The following LPP variants were observed in gnomAD, a reference collection of about 807,000 sequenced individuals.
The protein encoded by LPP is lipoma-preferred partner.
In LPP, 38 loss-of-function variants were observed where a neutral mutation model predicts 60.4. The observed-to-expected ratio is 0.63, with a 90% CI of 0.49 to 0.83. LPP has a LOEUF of 0.83. LPP is among the 40% of genes least tolerant of loss of function. The pLI is 0.00. For missense variants in LPP, 902 were observed against 783.6 expected (o/e 1.15, Z -1.80); for synonymous variants, 328 against 290.8 (o/e 1.13, Z -1.30).
At chr3:188,440,188 C>G (rs1386345801) in intron 4 of LPP, among the ~76,000 whole-genome samples, 1 of 152,124 alleles carries the variant, frequency 6.6e-6, no homozygotes, top group East Asian at 1.9e-4. Flanking sequence ...AGCACAGTGC[C>G]AGATGAATGA....
At chr3:188,780,398 A>C (rs568948647) in intron 9 of LPP, among the ~76,000 whole-genome samples, 130 of 152,342 alleles carry the variant, frequency 8.5e-4, no homozygotes, top group African/African-American at 2.8e-3. Context: ...AGGGCTTCCC[A>C]TCAATGGACA....
At chr3:188,303,741 T>C (rs1345996018) in intron 2 of LPP, among the ~76,000 whole-genome samples, 1 of 152,190 alleles carries the variant, frequency 6.6e-6, no homozygotes, top group Non-Finnish European at 1.5e-5. Flanking sequence ...TGCTTGATCT[T>C]CAAAATCACC....
chr3:188,307,711 C>T (rs1751976521), intron 2 of LPP, among the ~76,000 whole-genome samples: 1 of 152,188 alleles, frequency 6.6e-6, no homozygotes, highest in African/African-American at 2.4e-5. Flanking sequence ...GGTTCTTCAT[C>T]ACAGGGAGCT....
At chr3:188,509,870 G>GTCGTTTTTTTTTTTT (rs1560498059) in intron 5 of LPP, among the ~76,000 whole-genome samples, 1 of 44,158 alleles carries the variant, frequency 2.3e-5, no homozygotes. Flanking sequence ...TTTTTTTTTT[G>GTCGTTTTTTTTTTTT]TTGTTTTTTT....
chr3:188,487,688 G>C (rs147312647), intron 5 of LPP, among the ~76,000 whole-genome samples: 213 of 152,238 alleles, frequency 1.4e-3, no homozygotes, highest in Non-Finnish European at 2.5e-3. Context: ...GTCCTGCTCT[G>C]GCCCAGGTTT....
chr3:188,783,085 C>T (rs777823422), intron 9 of LPP, among the ~76,000 whole-genome samples: 1 of 152,118 alleles, frequency 6.6e-6, no homozygotes, highest in Non-Finnish European at 1.5e-5. Flanking sequence ...CTTCTGAGTG[C>T]CCTGGCTCCA....
intron 3 of LPP, among the ~76,000 whole-genome samples, chr3:188,343,063 G>A (rs564392622): frequency 6.6e-6 from 1 of 152,138 alleles, no homozygotes; most frequent in South Asian, 2.1e-4. Flanking sequence ...AGAACATGCA[G>A]GATTTTTACG....
chr3:188,448,449 T>G (rs1441802879), intron 4 of LPP, among the ~76,000 whole-genome samples: 2 of 150,938 alleles, frequency 1.3e-5, no homozygotes, highest in South Asian at 2.1e-4. Context: ...TTTAGATATC[T>G]ATATTTAGAT....
chr3:188,663,461 A>T (rs142271015), intron 7 of LPP, among the ~76,000 whole-genome samples: 1 of 152,266 alleles, frequency 6.6e-6, no homozygotes, highest in East Asian at 1.9e-4. Context: ...CTTTCAAACA[A>T]GTTTTTACTT....
At chr3:188,661,911 A>G (rs1854663815) in intron 7 of LPP, among the ~76,000 whole-genome samples, 1 of 152,244 alleles carries the variant, frequency 6.6e-6, no homozygotes, top group South Asian at 2.1e-4. Context: ...TATAAAAGGA[A>G]TATTCTGATG....
intron 2 of LPP, among the ~76,000 whole-genome samples, chr3:188,275,909 C>T (rs62291417): frequency 0.12 from 18,995 of 151,960 alleles, 2,375 homozygotes; most frequent in African/African-American, 0.32. Context: ...CTCCTGACCC[C>T]GTGATCCTCC....
intron 1 of LPP, among the ~76,000 whole-genome samples, chr3:188,204,345 C>T (rs1480794723): frequency 6.6e-6 from 1 of 152,062 alleles, no homozygotes; most frequent in Admixed American, 6.6e-5. Flanking sequence ...GTTTAGAGCA[C>T]TGGTGAGGAG....
At chr3:188,785,863 C>G (rs918075897) in intron 9 of LPP, among the ~76,000 whole-genome samples, 6 of 151,934 alleles carry the variant, frequency 3.9e-5, no homozygotes, top group Admixed American at 2.0e-4. Context: ...TTCTCCCTGA[C>G]TCCTAAGTTG....
intron 1 of LPP, among the ~76,000 whole-genome samples, chr3:188,163,577 G>A (rs1225488851): frequency 1.3e-5 from 2 of 152,002 alleles, no homozygotes; most frequent in Non-Finnish European, 2.9e-5. Flanking sequence ...TGTGCATAAG[G>A]CCAGGCATAA....
chr3:188,402,654 C>T (rs533146163), intron 3 of LPP, among the ~76,000 whole-genome samples: 18 of 152,338 alleles, frequency 1.2e-4, no homozygotes, highest in Non-Finnish European at 2.1e-4. Context: ...GAAAGAGTAA[C>T]GTTCATTCAT....
intron 2 of LPP, among the ~76,000 whole-genome samples, chr3:188,231,082 G>T (rs1353182566): frequency 2.0e-5 from 3 of 152,216 alleles, no homozygotes; most frequent in Admixed American, 6.5e-5. Flanking sequence ...GTGAGCAAGA[G>T]AGAGTCCCTG....
chr3:188,275,196 G>A (rs1433897578), intron 2 of LPP, among the ~76,000 whole-genome samples: 3 of 152,134 alleles, frequency 2.0e-5, no homozygotes, highest in Non-Finnish European at 4.4e-5. Context: ...AAACATAACT[G>A]TACAGAGTAC....
intron 11 of LPP, among the ~76,000 whole-genome samples, 164 bp downstream of exon 11, chr3:188,872,927 T>G (rs757060758): frequency 6.6e-6 from 1 of 152,216 alleles, no homozygotes; most frequent in Non-Finnish European, 1.5e-5. Context: ...GAGCACATGC[T>G]GTTGAATAAG....
At chr3:188,760,409 G>GTGTGT (rs1553836224) in intron 9 of LPP, 127 bp downstream of exon 9, 5 of 602,710 alleles carry the variant, frequency 8.3e-6, no homozygotes, top group Admixed American at 2.6e-5. Context: ...GTGTGTGTGG[G>GTGTGT]GTGTGTGTGT....
Sources: allele counts gnomAD v4.1 joint callset (sites outside exome capture counted in the v4.1 genomes callset), GRCh38; gene constraint gnomAD v4.1.1; transcripts MANE v1.5; gene names NCBI Gene and HGNC (gene_info 2026-07-23, HGNC 2026-07-21).